SLC39A11: variants seen among roughly 807,000 people sequenced by gnomAD.
SLC39A11 encodes solute carrier family 39 member 11.
SLC39A11 carries 33 observed loss-of-function variants against 36.1 expected under a neutral mutation model. The observed-to-expected ratio is 0.91, with a 90% confidence interval of 0.69 to 1.22. The LOEUF is 1.22. Ranked by LOEUF, SLC39A11 falls within the 50% of genes most tolerant of loss-of-function variation. The pLI is 0.00. For missense variants in SLC39A11, 432 were observed against 430.3 expected (o/e 1.00, Z -0.03); for synonymous variants, 166 against 170.3 (o/e 0.97, Z 0.20).
At chr17:72,798,572 C>T (rs541065793) in intron 6 of SLC39A11, among the ~76,000 whole-genome samples, 1 of 152,044 alleles carries the variant, frequency 6.6e-6, no homozygotes, top group African/African-American at 2.4e-5. Context: ...CACCACCATG[C>T]AGGGGTTTCA....
At chr17:72,778,640 T>G (rs1182936077) in intron 6 of SLC39A11, among the ~76,000 whole-genome samples, 1 of 152,198 alleles carries the variant, frequency 6.6e-6, no homozygotes, top group Non-Finnish European at 1.5e-5. Context: ...GGGCTTTCAT[T>G]AGAGCCACCA....
intron 4 of SLC39A11, among the ~76,000 whole-genome samples, chr17:73,028,930 C>T (rs537342025): frequency 1.3e-5 from 2 of 151,874 alleles, no homozygotes; most frequent in South Asian, 4.2e-4. Flanking sequence ...CCAGCCTGGC[C>T]AACATGGTGA....
intron 5 of SLC39A11, among the ~76,000 whole-genome samples, chr17:72,880,922 C>T (rs2081168034): frequency 6.6e-6 from 1 of 151,526 alleles, no homozygotes; most frequent in South Asian, 2.1e-4. Flanking sequence ...ACCTTGTGAT[C>T]CGCCCACCTC....
intron 7 of SLC39A11, among the ~76,000 whole-genome samples, chr17:72,667,536 G>T (rs2070810667): frequency 6.6e-6 from 1 of 152,244 alleles, no homozygotes; most frequent in African/African-American, 2.4e-5. Context: ...AGTGCAGGGT[G>T]CATGGCCAGG....
At chr17:72,856,110 A>G (rs2079630662) in intron 5 of SLC39A11, among the ~76,000 whole-genome samples, 1 of 152,212 alleles carries the variant, frequency 6.6e-6, no homozygotes, top group Non-Finnish European at 1.5e-5. Context: ...AAGTTCCCAG[A>G]AGTTGAACTG....
At chr17:73,014,821 C>G (rs907656655) in intron 4 of SLC39A11, among the ~76,000 whole-genome samples, 1 of 152,164 alleles carries the variant, frequency 6.6e-6, no homozygotes, top group African/African-American at 2.4e-5. Flanking sequence ...AGCCCCTGGC[C>G]GGCCTGCAGC....
chr17:72,861,657 T>TTATAGATATATATATA (rs1555605274), intron 5 of SLC39A11, among the ~76,000 whole-genome samples: 42 of 50,962 alleles, frequency 8.2e-4, no homozygotes, highest in Non-Finnish European at 1.1e-3. Context: ...ATACAACACA[T>TTATAGATATATATATA]TATATATATA....
rs115328153 is a variant in SLC39A11, at chr17:72,688,904, G to T, written c.672-39636C>A. Among the ~76,000 whole-genome samples, 245 of 152,246 alleles carry T rather than the reference G, an allele frequency of 1.6e-3. 1 individual carries two copies. Among genetic ancestry groups the T allele is most frequent in the African/African-American group, 5.6e-3 (234 of 41,544 alleles). ...CTCTAGCTCTGACTTTGTTCAACAGGTGCAAATACCAAGGTGATTTGTGAC... is the reference window on the plus strand; with the variant it reads ...CTCTAGCTCTGACTTTGTTCAACAGTTGCAAATACCAAGGTGATTTGTGAC... On this transcript the variant is annotated intron_variant, in intron 7 of 9. Coordinates refer to ENST00000255559, the MANE Select transcript of SLC39A11 (RefSeq NM_139177.4).
chr17:73,067,273 T>C (rs1034765045), intron 3 of SLC39A11, among the ~76,000 whole-genome samples: 1 of 152,172 alleles, frequency 6.6e-6, no homozygotes. Context: ...TATGAATAAG[T>C]TGTGGCCAAT....
intron 4 of SLC39A11, among the ~76,000 whole-genome samples, chr17:72,971,049 G>A (rs965855488): frequency 3.9e-4 from 60 of 152,268 alleles, no homozygotes; most frequent in African/African-American, 1.4e-3. Context: ...CGGAGAGGCT[G>A]ACTGTCCTGC....
intron 5 of SLC39A11, among the ~76,000 whole-genome samples, chr17:72,904,709 A>G (rs1192402782): frequency 1.3e-5 from 2 of 152,206 alleles, no homozygotes; most frequent in Non-Finnish European, 2.9e-5. Context: ...CAAGGGATTC[A>G]GGATCTCAGA....
chr17:72,753,338 G>A (rs968051624), intron 6 of SLC39A11, among the ~76,000 whole-genome samples: 1 of 152,128 alleles, frequency 6.6e-6, no homozygotes, highest in African/African-American at 2.4e-5. Context: ...CTGGAGAATT[G>A]TCTTCTACTT....
chr17:73,067,002 C>T (rs1378772087), intron 3 of SLC39A11, among the ~76,000 whole-genome samples: 2 of 152,118 alleles, frequency 1.3e-5, no homozygotes, highest in Non-Finnish European at 2.9e-5. Context: ...ATTACTTCTT[C>T]CTTTCAAATG....
At chr17:73,091,308 G>A (rs1052487096) in intron 1 of SLC39A11, among the ~76,000 whole-genome samples, 1 of 151,776 alleles carries the variant, frequency 6.6e-6, no homozygotes, top group African/African-American at 2.4e-5. Flanking sequence ...TGTGCCTGTA[G>A]TCCCAGTGCC....
At chr17:72,922,960 CAAAAAAAA>C (rs10645750) in intron 5 of SLC39A11, among the ~76,000 whole-genome samples, 12 of 44,080 alleles carry the variant, frequency 2.7e-4, no homozygotes, top group Admixed American at 1.6e-3. Flanking sequence ...GACTCCTTCT[CAAAAAAAA>C]AAAAAAAAAA....
In SLC39A11 at chr17:72,721,246, G is replaced by A. The variant is rs58987889; in HGVS notation, c.671+15404C>T. ...TGAGTAGGTGGGATTACAGATGCAT[G>A]CCACCATGTCCGGCTAATTTTTGTA... is the stretch of plus-strand genomic sequence containing the variant. On this transcript the variant is annotated intron_variant, in intron 7 of 9. Transcript: ENST00000255559. Among the ~76,000 whole-genome samples, 415 of 152,182 alleles carry A rather than the reference G, an allele frequency of 2.7e-3. 13 individuals carry two copies. The East Asian group carries it at 0.063, about 23-fold the overall frequency.
chr17:73,087,690 G>A (rs1392080491), intron 2 of SLC39A11, among the ~76,000 whole-genome samples: 2 of 152,108 alleles, frequency 1.3e-5, no homozygotes, highest in Admixed American at 6.6e-5. Flanking sequence ...GGGGTGTAAG[G>A]ATGGGGTTGT....
chr17:72,949,361 A>G (rs897308180), intron 4 of SLC39A11, among the ~76,000 whole-genome samples: 1 of 151,634 alleles, frequency 6.6e-6, no homozygotes, highest in African/African-American at 2.4e-5. Context: ...GGGTTTCACC[A>G]TGTTGGCCAG....
intron 5 of SLC39A11, among the ~76,000 whole-genome samples, chr17:72,878,803 T>C (rs776244616): frequency 9.2e-5 from 14 of 152,302 alleles, no homozygotes; most frequent in Non-Finnish European, 1.8e-4. Context: ...CCAGACACTA[T>C]CTACCTGGAG....
Sources: allele counts gnomAD v4.1 joint callset (sites outside exome capture counted in the v4.1 genomes callset), GRCh38; gene constraint gnomAD v4.1.1; transcripts MANE v1.5; gene names NCBI Gene and HGNC (gene_info 2026-07-23, HGNC 2026-07-21).